Variants in SPOCK3 observed in about 807,000 individuals in gnomAD.
SPOCK3 encodes testican-3.
Under a neutral mutation model 56.6 loss-of-function variants are expected in SPOCK3, and 30 were observed. The ratio of observed to expected loss-of-function variants is 0.53; its 90% CI spans 0.40 to 0.72. SPOCK3 has a LOEUF of 0.72. Among genes scored for constraint, SPOCK3 ranks in the 30% least tolerant of loss-of-function variants. SPOCK3 has a pLI of 0.00. For missense variants in SPOCK3, 527 were observed against 530.0 expected (o/e 0.99, Z 0.06); for synonymous variants, 196 against 183.3 (o/e 1.07, Z -0.56).
intron 4 of SPOCK3, among the ~76,000 whole-genome samples, chr4:166,945,456 A>T (rs1741612727): frequency 6.6e-6 from 1 of 152,000 alleles, no homozygotes; most frequent in African/African-American, 2.4e-5. Context: ...CCAGGCTCGG[A>T]TTTTCTTTCA....
intron 2 of SPOCK3, among the ~76,000 whole-genome samples, chr4:167,085,070 C>T (rs76460707): frequency 6.6e-6 from 1 of 151,346 alleles, no homozygotes; most frequent in Non-Finnish European, 1.5e-5. Context: ...TAATAGTGAT[C>T]TGGATAAAAA....
At chr4:167,218,703 C>T (rs1735605096) in intron 2 of SPOCK3, among the ~76,000 whole-genome samples, 1 of 152,008 alleles carries the variant, frequency 6.6e-6, no homozygotes, top group South Asian at 2.1e-4. Flanking sequence ...ATGTCATTCC[C>T]CATAGACCAC....
At chr4:166,908,526 G>GCACACACACA (rs377518404) in intron 5 of SPOCK3, among the ~76,000 whole-genome samples, 2 of 136,044 alleles carry the variant, frequency 1.5e-5, no homozygotes, top group African/African-American at 5.5e-5. Flanking sequence ...TCAAAACCAT[G>GCACACACACA]CACACACACA....
chr4:167,100,277 GCTGACT>G, intron 2 of SPOCK3, among the ~76,000 whole-genome samples: 1 of 152,176 alleles, frequency 6.6e-6, no homozygotes, highest in East Asian at 1.9e-4. Flanking sequence ...GACCTAACCA[GCTGACT>G]CTATTCAGTA....
intron 2 of SPOCK3, among the ~76,000 whole-genome samples, chr4:167,140,766 C>A (rs1346542263): frequency 6.6e-6 from 1 of 151,936 alleles, no homozygotes; most frequent in African/African-American, 2.4e-5. Context: ...TTTGTCTCAG[C>A]CCACGGTCTG....
chr4:167,013,084 C>T (rs909992214), intron 3 of SPOCK3, among the ~76,000 whole-genome samples: 3 of 151,996 alleles, frequency 2.0e-5, no homozygotes, highest in African/African-American at 7.2e-5. Context: ...TACTCTAACT[C>T]TGATCTCCCC....
At chr4:167,116,799 A>T (rs1761441133) in intron 2 of SPOCK3, among the ~76,000 whole-genome samples, 2 of 140,566 alleles carry the variant, frequency 1.4e-5, no homozygotes, top group African/African-American at 5.2e-5. Flanking sequence ...ATATATACAC[A>T]TAAATACACA....
At chr4:166,973,215 G>A (rs910751430) in intron 4 of SPOCK3, among the ~76,000 whole-genome samples, 2 of 152,084 alleles carry the variant, frequency 1.3e-5, no homozygotes, top group Non-Finnish European at 2.9e-5. Context: ...TTGGGAAGAA[G>A]GTGCCTTCTT....
chr4:166,947,110 T>G (rs758801067), intron 4 of SPOCK3, among the ~76,000 whole-genome samples: 3 of 152,154 alleles, frequency 2.0e-5, no homozygotes, highest in Non-Finnish European at 4.4e-5. Context: ...GTACCCATTA[T>G]TTTACCATAT....
intron 7 of SPOCK3, among the ~76,000 whole-genome samples, chr4:166,764,849 C>T (rs935434595): frequency 2.6e-5 from 4 of 151,174 alleles, no homozygotes; most frequent in Admixed American, 6.6e-5. Flanking sequence ...TCTCCAGCAC[C>T]TGTTGTTTCC....
intron 10 of SPOCK3, 129 bp from the exon 11 acceptor site, chr4:166,735,219 G>T (rs558587590): frequency 3.3e-6 from 2 of 608,752 alleles, no homozygotes; most frequent in African/African-American, 1.9e-5. Flanking sequence ...ATTTATCAAA[G>T]ATAATGAAAG....
chr4:167,109,212 T>G (rs1760584254), intron 2 of SPOCK3, among the ~76,000 whole-genome samples: 2 of 82,254 alleles, frequency 2.4e-5, no homozygotes, highest in South Asian at 3.9e-4. Flanking sequence ...TAAAAATATA[T>G]TATATATAGT....
intron 6 of SPOCK3, among the ~76,000 whole-genome samples, chr4:166,841,181 G>T (rs972876288): frequency 2.0e-5 from 3 of 152,160 alleles, no homozygotes; most frequent in South Asian, 2.1e-4. Context: ...ATTGGAGACC[G>T]ACATAAACAC....
intron 6 of SPOCK3, among the ~76,000 whole-genome samples, chr4:166,818,417 G>C (rs1314323177): frequency 1.3e-5 from 2 of 151,986 alleles, no homozygotes; most frequent in Non-Finnish European, 2.9e-5. Flanking sequence ...TAGCATTATA[G>C]TAAAAACATT....
chr4:166,881,639 C>T (rs1442431909), intron 6 of SPOCK3, among the ~76,000 whole-genome samples: 1 of 152,030 alleles, frequency 6.6e-6, no homozygotes, highest in African/African-American at 2.4e-5. Flanking sequence ...TCTGTAAATA[C>T]TGCCTTAACT....
At chr4:167,019,067 G>T (rs1328346355) in intron 3 of SPOCK3, among the ~76,000 whole-genome samples, 1 of 151,888 alleles carries the variant, frequency 6.6e-6, no homozygotes, top group South Asian at 2.1e-4. Flanking sequence ...GGATGCACCC[G>T]ACACACCACC....
chr4:167,019,458 T>C (rs1750964882), intron 3 of SPOCK3, among the ~76,000 whole-genome samples: 1 of 151,722 alleles, frequency 6.6e-6, no homozygotes, highest in Non-Finnish European at 1.5e-5. Flanking sequence ...TATAACCATA[T>C]ATAATTTATA....
chr4:167,014,904 C>A (rs1227185476), intron 3 of SPOCK3, among the ~76,000 whole-genome samples: 2 of 151,906 alleles, frequency 1.3e-5, no homozygotes, highest in Non-Finnish European at 2.9e-5. Flanking sequence ...AAAATTACTG[C>A]ATTTTATTTT....
intron 2 of SPOCK3, among the ~76,000 whole-genome samples, chr4:167,081,235 T>A (rs183897946): frequency 6.6e-6 from 1 of 152,034 alleles, no homozygotes; most frequent in South Asian, 2.1e-4. Flanking sequence ...TAGCTTCAAT[T>A]TATTCAACTG....
Sources: allele counts gnomAD v4.1 joint callset (sites outside exome capture counted in the v4.1 genomes callset), GRCh38; gene constraint gnomAD v4.1.1; transcripts MANE v1.5; gene names NCBI Gene and HGNC (gene_info 2026-07-23, HGNC 2026-07-21).